PLXDC2: variants seen among roughly 807,000 people sequenced by gnomAD.
The protein encoded by PLXDC2 is plexin domain containing 2.
A neutral mutation model predicts 68.9 loss-of-function variants in PLXDC2; 40 were observed. The ratio of observed to expected loss-of-function variants is 0.58; its 90% CI spans 0.45 to 0.76. PLXDC2 has a LOEUF of 0.76. Among genes scored for constraint, PLXDC2 ranks in the 30% least tolerant of loss-of-function variants. PLXDC2 has a pLI of 0.00. For synonymous variants in PLXDC2, 243 were observed against 234.2 expected (o/e 1.04, Z -0.34); for missense variants, 644 against 661.9 (o/e 0.97, Z 0.30).
At chr10:20,014,607 T>C (rs1180166333) in intron 2 of PLXDC2, among the ~76,000 whole-genome samples, 1 of 152,124 alleles carries the variant, frequency 6.6e-6, no homozygotes, top group Non-Finnish European at 1.5e-5. Context: ...TTAAAATTAC[T>C]TTTGCCGTGA....
intron 1 of PLXDC2, among the ~76,000 whole-genome samples, chr10:19,954,264 A>C (rs1337049927): frequency 6.6e-6 from 1 of 152,218 alleles, no homozygotes; most frequent in Non-Finnish European, 1.5e-5. Context: ...ATCTACTGAA[A>C]ACAAAATTTG....
chr10:19,889,579 C>A (rs1287552872), intron 1 of PLXDC2, among the ~76,000 whole-genome samples: 2 of 152,246 alleles, frequency 1.3e-5, no homozygotes, highest in East Asian at 3.9e-4. Flanking sequence ...GTGTTATTTT[C>A]TTATTTGCTT....
chr10:19,966,391 T>TAAAAA (rs1255853805), intron 1 of PLXDC2, among the ~76,000 whole-genome samples: 36 of 147,464 alleles, frequency 2.4e-4, no homozygotes, highest in African/African-American at 6.7e-4. Context: ...TGTGCACATA[T>TAAAAA]ATAAAATATA....
At chr10:19,920,501 C>T (rs1833442075) in intron 1 of PLXDC2, among the ~76,000 whole-genome samples, 1 of 152,238 alleles carries the variant, frequency 6.6e-6, no homozygotes, top group African/African-American at 2.4e-5. Flanking sequence ...GCATATGTGG[C>T]ATGCCACCAG....
At chr10:20,023,072 A>G (rs1835339701) in intron 2 of PLXDC2, among the ~76,000 whole-genome samples, 1 of 148,528 alleles carries the variant, frequency 6.7e-6, no homozygotes, top group Admixed American at 6.8e-5. Flanking sequence ...AAGTAATGGC[A>G]TTTAAATATA....
In PLXDC2 at chr10:19,991,773, G is replaced by T. The variant is rs1383521748; in HGVS notation, c.113-10002G>T. ...TAATAGAAGGCCCTCGGTGATTTGGGTCCGAGACATTTGCAGATCATCTCT... is the reference window on the plus strand; with the variant it reads ...TAATAGAAGGCCCTCGGTGATTTGGTTCCGAGACATTTGCAGATCATCTCT... On this transcript the variant is annotated intron_variant, in intron 1 of 13. Coordinates refer to ENST00000377252, the MANE Select transcript of PLXDC2 (RefSeq NM_032812.9). 2.6e-5 allele frequency among the ~76,000 whole-genome samples: 4 copies of T among 152,220 alleles called. No homozygotes were observed. In the East Asian group the frequency reaches 5.8e-4, roughly 22 times the overall value.
At chr10:19,895,536 T>C (rs1477950802) in intron 1 of PLXDC2, among the ~76,000 whole-genome samples, 3 of 152,204 alleles carry the variant, frequency 2.0e-5, no homozygotes, top group African/African-American at 4.8e-5. Context: ...AAATTACTTG[T>C]GTGGTATTCA....
chr10:20,126,161 ATG>A (rs1277330407), intron 4 of PLXDC2, among the ~76,000 whole-genome samples: 1 of 147,468 alleles, frequency 6.8e-6, no homozygotes, highest in Non-Finnish European at 1.5e-5. Flanking sequence ...TATATTATGT[ATG>A]TATCTATACA....
At chr10:20,220,649 T>G (rs1411026325) in intron 12 of PLXDC2, among the ~76,000 whole-genome samples, 1 of 152,118 alleles carries the variant, frequency 6.6e-6, no homozygotes, top group African/African-American at 2.4e-5. Context: ...GCTGGAAAAC[T>G]GATAATTCAT....
At chr10:20,239,370 T>A (rs917630766) in intron 12 of PLXDC2, among the ~76,000 whole-genome samples, 1 of 152,202 alleles carries the variant, frequency 6.6e-6, no homozygotes, top group African/African-American at 2.4e-5. Flanking sequence ...TCCCTGAGAT[T>A]GAGTAATTTA....
chr10:20,212,529 CCCTT>C (rs1835082918), intron 10 of PLXDC2, among the ~76,000 whole-genome samples: 2 of 151,622 alleles, frequency 1.3e-5, no homozygotes, highest in African/African-American at 4.8e-5. Flanking sequence ...TACTTCTTCT[CCCTT>C]CATTAAGTTT....
intron 9 of PLXDC2, among the ~76,000 whole-genome samples, chr10:20,201,393 G>A (rs1207170599): frequency 1.3e-5 from 2 of 152,036 alleles, no homozygotes; most frequent in Non-Finnish European, 1.5e-5. Flanking sequence ...TCGAGGCTGG[G>A]AAGAGTAGGT....
At chr10:20,081,860 G>A in intron 4 of PLXDC2, among the ~76,000 whole-genome samples, 1 of 151,722 alleles carries the variant, frequency 6.6e-6, no homozygotes, top group Non-Finnish European at 1.5e-5. Flanking sequence ...CCAACATGGT[G>A]AAACCCCATC....
intron 3 of PLXDC2, among the ~76,000 whole-genome samples, chr10:20,054,004 A>C (rs1382462894): frequency 6.6e-6 from 1 of 152,114 alleles, no homozygotes; most frequent in African/African-American, 2.4e-5. Flanking sequence ...CCTGTCAAAG[A>C]AAGTAGTTAA....
chr10:20,004,299 C>T (rs894344197), intron 2 of PLXDC2, among the ~76,000 whole-genome samples: 2 of 152,170 alleles, frequency 1.3e-5, no homozygotes, highest in Non-Finnish European at 2.9e-5. Context: ...CCAGGCAGGT[C>T]GCTTACCAGG....
chr10:20,269,241 A>T (rs1835906189), intron 13 of PLXDC2, among the ~76,000 whole-genome samples: 1 of 152,220 alleles, frequency 6.6e-6, no homozygotes, highest in Non-Finnish European at 1.5e-5. Context: ...ACAATAAATC[A>T]TATGCTCATC....
chr10:19,851,763 G>C (rs747858235), intron 1 of PLXDC2, among the ~76,000 whole-genome samples: 3 of 152,058 alleles, frequency 2.0e-5, no homozygotes, highest in Non-Finnish European at 2.9e-5. Flanking sequence ...GGCCAGGCTG[G>C]TCACAAACTC....
At chr10:19,946,562 C>T (rs984088443) in intron 1 of PLXDC2, among the ~76,000 whole-genome samples, 1 of 151,378 alleles carries the variant, frequency 6.6e-6, no homozygotes, top group Admixed American at 6.6e-5. Flanking sequence ...TCTAGTGGGC[C>T]TGCTGTAATC....
intron 1 of PLXDC2, among the ~76,000 whole-genome samples, chr10:19,977,179 T>C (rs368290999): frequency 3.9e-5 from 6 of 152,184 alleles, no homozygotes; most frequent in Non-Finnish European, 5.9e-5. Context: ...AGAAAGCCGA[T>C]TGGCATTCAC....
Sources: allele counts gnomAD v4.1 joint callset (sites outside exome capture counted in the v4.1 genomes callset), GRCh38; gene constraint gnomAD v4.1.1; transcripts MANE v1.5; gene names NCBI Gene and HGNC (gene_info 2026-07-23, HGNC 2026-07-21).